FER: variants seen among roughly 807,000 people sequenced by gnomAD.
FER encodes tyrosine-protein kinase Fer.
FER carries 63 observed loss-of-function variants against 111.0 expected under a neutral mutation model. The ratio of observed to expected loss-of-function variants is 0.57; its 90% CI spans 0.46 to 0.70. The LOEUF (loss-of-function observed/expected upper bound fraction) is 0.70, where lower values mean the gene tolerates loss of function less well. FER is among the 30% of genes least tolerant of loss of function. The probability of loss-of-function intolerance (pLI) is 0.00; values close to 1 mark genes in which losing one functional copy is unlikely to be tolerated. For synonymous variants in FER, 327 were observed against 313.9 expected (o/e 1.04, Z -0.44); for missense variants, 914 against 954.0 (o/e 0.96, Z 0.55).
chr5:109,181,394 A>C (rs991174213), intron 18 of FER, among the ~76,000 whole-genome samples: 1 of 152,166 alleles, frequency 6.6e-6, no homozygotes, highest in African/African-American at 2.4e-5. Flanking sequence ...ACATTTTAAA[A>C]CGGCAGGGAT....
At chr5:108,932,632 C>T (rs865843007) in intron 10 of FER, among the ~76,000 whole-genome samples, 2 of 152,124 alleles carry the variant, frequency 1.3e-5, no homozygotes, top group African/African-American at 4.8e-5. Context: ...ATTTACACTC[C>T]CACCAACAGT....
At position 108,779,762 on chromosome 5, in the gene FER, G is replaced by A. The variant is rs183936572; in HGVS notation, c.-60+11524G>A. Among the ~76,000 whole-genome samples the A allele has an allele frequency of 2.1e-3, 326 of 152,090 alleles. 3 individuals are homozygous for A. Among genetic ancestry groups the A allele is most frequent in the African/African-American group, 7.1e-3 (296 of 41,520 alleles). On this transcript the variant is annotated intron_variant, in intron 2 of 19. Coordinates refer to ENST00000281092, the MANE Select transcript of FER (RefSeq NM_005246.4). Reference sequence around the variant, plus strand: ...AACACAGTTTTATTTTATTTTTTCCGATCAGTACACTTTAAAAATCTCCTT... The same window carrying A: ...AACACAGTTTTATTTTATTTTTTCCAATCAGTACACTTTAAAAATCTCCTT...
At chr5:108,796,100 C>T (rs1369110857) in intron 2 of FER, among the ~76,000 whole-genome samples, 1 of 152,196 alleles carries the variant, frequency 6.6e-6, no homozygotes, top group African/African-American at 2.4e-5. Context: ...ACTTCAAGCC[C>T]AGTAACACTA....
chr5:109,165,684 G>A (rs1044959439), intron 17 of FER, among the ~76,000 whole-genome samples: 1 of 151,878 alleles, frequency 6.6e-6, no homozygotes. Flanking sequence ...TACATATTGA[G>A]CAGAGTTGGG....
chr5:108,987,502 C>T lies in FER; in HGVS notation c.1656+28155C>T, dbSNP rs150227398. Among the ~76,000 whole-genome samples the T allele has an allele frequency of 7.6e-3, 1,161 of 152,190 alleles. 11 individuals carry two copies. Among genetic ancestry groups the T allele is most frequent in the African/African-American group, 0.027 (1,134 of 41,514 alleles). ...AAAATCTTGTAGAGGTCTTTCACCT[C>T]AGTGGTTAGGTATATTCCTAAATTT... On this transcript the variant is annotated intron_variant, in intron 13 of 19. Transcript: ENST00000281092.
intron 17 of FER, among the ~76,000 whole-genome samples, chr5:109,102,436 A>G (rs1561897082): frequency 6.6e-6 from 1 of 152,088 alleles, no homozygotes. Flanking sequence ...GTATATGTTG[A>G]GAAGAATTCT....
At chr5:109,014,357 G>A (rs1581654720) in intron 13 of FER, among the ~76,000 whole-genome samples, 2 of 152,260 alleles carry the variant, frequency 1.3e-5, no homozygotes, top group African/African-American at 4.8e-5. Context: ...CCCCATTGTT[G>A]TTTTTGTCAG....
chr5:109,056,632 C>T (rs1773685188), intron 16 of FER, among the ~76,000 whole-genome samples: 1 of 152,026 alleles, frequency 6.6e-6, no homozygotes, highest in Admixed American at 6.6e-5. Flanking sequence ...ATGATCAAGT[C>T]TAGAGATGTA....
At chr5:109,161,924 G>GC (rs1756032010) in intron 17 of FER, among the ~76,000 whole-genome samples, 1 of 151,976 alleles carries the variant, frequency 6.6e-6, no homozygotes, top group Non-Finnish European at 1.5e-5. Context: ...AACCTCACTA[G>GC]CATCTGTTAC....
chr5:108,895,950 A>G (rs1749025684), intron 9 of FER, among the ~76,000 whole-genome samples: 1 of 151,844 alleles, frequency 6.6e-6, no homozygotes, highest in Non-Finnish European at 1.5e-5. Flanking sequence ...TTTTCCTGGT[A>G]GTCTTTATGA....
intron 17 of FER, among the ~76,000 whole-genome samples, chr5:109,157,527 C>G (rs1206784743): frequency 6.8e-6 from 1 of 146,964 alleles, no homozygotes; most frequent in Non-Finnish European, 1.5e-5. Context: ...TTTTTTTTTT[C>G]TGATATCGAG....
intron 17 of FER, among the ~76,000 whole-genome samples, chr5:109,139,075 C>G (rs1753216119): frequency 6.6e-6 from 1 of 152,030 alleles, no homozygotes; most frequent in Non-Finnish European, 1.5e-5. Flanking sequence ...TGTAGGACAT[C>G]TAGGAAGAGA....
rs746890749 is a variant in FER at position 108,996,443 on chromosome 5, G to A, written c.1656+37096G>A. 4.7e-4 allele frequency among the ~76,000 whole-genome samples: 71 copies of A among 152,186 alleles called. 1 individual carries two copies. The highest frequency in any genetic ancestry group is 2.1e-4 in the Non-Finnish European group (14 of 68,036). On this transcript the variant is annotated intron_variant, in intron 13 of 19. Coordinates refer to ENST00000281092, the MANE Select transcript of FER (RefSeq NM_005246.4). ...CATCTTGAGTTTATTTTTGTATAAG[G>A]TGTAAGGAAGGGGTCCAGTTTCAGT... is the stretch of plus-strand genomic sequence containing the variant.
At chr5:108,901,532 A>T (rs990569672) in intron 10 of FER, among the ~76,000 whole-genome samples, 5 of 152,188 alleles carry the variant, frequency 3.3e-5, no homozygotes, top group African/African-American at 1.2e-4. Flanking sequence ...AGTAAGCAGA[A>T]TCAGAAATAA....
chr5:109,027,455 C>G (rs1768916618), intron 13 of FER, among the ~76,000 whole-genome samples: 1 of 152,088 alleles, frequency 6.6e-6, no homozygotes, highest in Non-Finnish European at 1.5e-5. Flanking sequence ...TTGTTCTTTA[C>G]TATTAGCAGT....
At chr5:108,953,024 A>G (rs1015319090) in intron 11 of FER, among the ~76,000 whole-genome samples, 1 of 148,770 alleles carries the variant, frequency 6.7e-6, no homozygotes, top group African/African-American at 2.4e-5. Context: ...TTGGTGAGAC[A>G]GAAATATTTC....
chr5:108,968,249 T>C (rs555330417), intron 13 of FER, among the ~76,000 whole-genome samples: 1 of 152,280 alleles, frequency 6.6e-6, no homozygotes, highest in South Asian at 2.1e-4. Flanking sequence ...TAGCTGGGCC[T>C]GGTGGCGCAT....
chr5:108,897,712 T>TC lies in FER; in HGVS notation c.1102dup (p.Gln368ProfsTer7). On this transcript the variant is annotated frameshift_variant, in exon 10 of 20. Transcript: ENST00000281092. LOFTEE classifies it high-confidence loss of function. ...GCACTTGAAGAACTGAAACAGTCAG[T>TC]CCAGCAGCTGAGATGCACTGAAGCA... is the stretch of plus-strand genomic sequence containing the variant. 1 of 1,613,134 alleles carries TC rather than the reference T, an allele frequency of 6.2e-7. No individual in the cohort carries two copies. Among genetic ancestry groups the TC allele is most frequent in the Non-Finnish European group, 8.5e-7 (1 of 1,179,554 alleles).
intron 2 of FER, among the ~76,000 whole-genome samples, chr5:108,787,353 C>A (rs1191772502): frequency 2.0e-5 from 3 of 152,174 alleles, no homozygotes; most frequent in Non-Finnish European, 4.4e-5. Flanking sequence ...AGCTTGGCAC[C>A]AGCCTGCAGG....
Sources: allele counts gnomAD v4.1 joint callset (sites outside exome capture counted in the v4.1 genomes callset), GRCh38; gene constraint gnomAD v4.1.1; transcripts MANE v1.5; gene names NCBI Gene and HGNC (gene_info 2026-07-23, HGNC 2026-07-21).